The following ZNF665 variants were observed in gnomAD, a reference collection of about 807,000 sequenced individuals.
ZNF665 encodes the protein zinc finger protein 665.
In ZNF665, 6 loss-of-function variants were observed where a neutral mutation model predicts 7.9. That is an observed-to-expected ratio of 0.76 (90% CI 0.42 to 1.50). The LOEUF (loss-of-function observed/expected upper bound fraction) is 1.50. ZNF665 is among the 40% of genes most tolerant of loss of function. The probability of loss-of-function intolerance (pLI) is 0.01; values close to 1 mark genes in which losing one functional copy is unlikely to be tolerated. For synonymous variants in ZNF665, 242 were observed against 274.5 expected (o/e 0.88, Z 1.17); for missense variants, 819 against 806.7 (o/e 1.02, Z -0.18).
chr19:53,171,386 G>C (rs1599874604), intron 3 of ZNF665, among the ~76,000 whole-genome samples: 1 of 151,396 alleles, frequency 6.6e-6, no homozygotes, highest in South Asian at 2.1e-4. Flanking sequence ...TGCAACACTT[G>C]AGCTCCATGT....
At chr19:53,168,055 C>CAAAAAAAAAAAA (rs57521729) in intron 3 of ZNF665, among the ~76,000 whole-genome samples, 1 of 66,400 alleles carries the variant, frequency 1.5e-5, no homozygotes, top group African/African-American at 5.5e-5. Flanking sequence ...GACTCCCTCT[C>CAAAAAAAAAAAA]AAAAAAAAAA....
In ZNF665 at chr19:53,191,679, A is replaced by ACCC. The variant is rs2090817788; in HGVS notation, c.-46+1632_-46+1633insGGG. The ACCC allele has an allele frequency of 2.6e-5, 4 of 152,328 alleles. No individual in the cohort carries two copies. The South Asian group carries it at 8.3e-4, about 32-fold the overall frequency. The allele number at this position is 152,328 out of a possible 1,614,324, so 9.4% of individuals were successfully genotyped here. Reference sequence around the variant, plus strand: ...GTCAACATAGTGAAACCCCGTCTCTACTAAAAATACAAAAGTTAGCCAGGT... The same window carrying ACCC: ...GTCAACATAGTGAAACCCCGTCTCTACCCCTAAAAATACAAAAGTTAGCCAGGT... On this transcript the variant is annotated intron_variant, in intron 1 of 3. Transcript: ENST00000396424.
At position 53,164,143 on chromosome 19, in the gene ZNF665, T is replaced by TC; in HGVS notation, c.*309_*310insG. ...TCCTTTGTAAGGTTACTTTTTTTTT[T>TC]TTTTTTTTTTTGGAGATGGAGTTTC... On this transcript the variant is annotated 3_prime_UTR_variant, in exon 4 of 4. Transcript: ENST00000396424. 1 of 154,256 alleles carries TC rather than the reference T, an allele frequency of 6.5e-6. No homozygotes were observed. Among genetic ancestry groups the TC allele is most frequent in the African/African-American group, 2.4e-5 (1 of 41,344 alleles). The allele number at this position is 154,256 out of a possible 1,614,324, so 9.6% of individuals were successfully genotyped here. A position where few individuals can be genotyped will look rare whatever the true frequency, so the allele number is the denominator to read the frequency against.
chr19:53,192,135 T>G (rs1430649764), intron 1 of ZNF665, among the ~76,000 whole-genome samples: 2 of 151,900 alleles, frequency 1.3e-5, no homozygotes, highest in East Asian at 1.9e-4. Context: ...TTCTTGCAAC[T>G]TGTTTCACCT....
At chr19:53,182,305 A>C in intron 2 of ZNF665, 2 of 188,330 alleles carry the variant, frequency 1.1e-5, no homozygotes, top group South Asian at 2.1e-4. Context: ...CAGGAGGCGG[A>C]GGTTGCAGTG....
Position 53,182,892 on chromosome 19 carries a change from G to GAGCC in ZNF665, c.3_6dup (p.Leu3GlyfsTer41), listed in dbSNP as rs776508115. Reference sequence around the variant, plus strand: ...CGAGAATATCATCTCACCTGAGGAAGAGCCATCCCTGACTCCTTTGCCTTC... The same window carrying GAGCC: ...CGAGAATATCATCTCACCTGAGGAAGAGCCAGCCATCCCTGACTCCTTTGCCTTC... On this transcript the variant is annotated frameshift_variant, in exon 2 of 4. Transcript: ENST00000396424. LOFTEE classifies it high-confidence loss of function. The GAGCC allele has an allele frequency of 5.0e-6, 8 of 1,612,058 alleles. No individual in the cohort carries two copies. Among genetic ancestry groups the GAGCC allele is most frequent in the Non-Finnish European group, 5.9e-6 (7 of 1,179,980 alleles).
intron 3 of ZNF665, among the ~76,000 whole-genome samples, chr19:53,167,671 T>C (rs62115534): frequency 0.95 from 142,446 of 149,324 alleles, 67,978 homozygotes; most frequent in South Asian, 0.97. Flanking sequence ...TGGTCTCGAT[T>C]TCCTGACCTC....
intron 3 of ZNF665, among the ~76,000 whole-genome samples, chr19:53,169,024 C>A (rs1185294041): frequency 6.6e-6 from 1 of 151,836 alleles, no homozygotes; most frequent in East Asian, 1.9e-4. Context: ...ATCTGTGGAG[C>A]CCTCGGATCA....
intron 2 of ZNF665, among the ~76,000 whole-genome samples, chr19:53,179,377 CAAAAAA>C (rs35184690): frequency 2.8e-5 from 2 of 70,418 alleles, no homozygotes; most frequent in African/African-American, 1.2e-4. Flanking sequence ...GATTCCGTCT[CAAAAAA>C]AAAAAAAAAA....
In ZNF665 at chr19:53,165,402, T is replaced by A; in HGVS notation, c.1088A>T (p.Lys363Met). The change falls in exon 4 of 4, where the codon AAG becomes ATG. Residue 363 changes from lysine to methionine, a missense_variant. Transcript: ENST00000396424. The stretch of plus-strand genomic sequence containing the variant: ...CTCACCAGTATGAATTCGCCGATGC[T>A]TTGCAAGGTATGAATTGTGCCTGAA... ...KVFRHNSYLA[K>M]HRRIHTGEKP... 6.2e-7 allele frequency: 1 copy of A among 1,613,736 alleles called. No individual in the cohort carries two copies. Among genetic ancestry groups the A allele is most frequent in the Middle Eastern group, 1.7e-4 (1 of 6,056 alleles).
At chr19:53,174,069 T>A (rs1001944723) in intron 3 of ZNF665, among the ~76,000 whole-genome samples, 7 of 152,152 alleles carry the variant, frequency 4.6e-5, no homozygotes, top group African/African-American at 1.7e-4. Context: ...AAGCAGCCAG[T>A]GTTTTCCATC....
chr19:53,165,432 T>C lies in ZNF665; in HGVS notation c.1058A>G (p.Lys353Arg). ...AAGGTATGAATTGTGCCTGAAGACC[T>C]TGCCACATTCATTACATTTGTAAGG... ...EKPYKCNECG[K>R]VFRHNSYLAK... The change falls in exon 4 of 4, where the codon AAG becomes AGG. Residue 353 changes from lysine (K) to arginine (R), a missense_variant. Transcript: ENST00000396424. The C allele has an allele frequency of 3.1e-6, 5 of 1,613,420 alleles. No homozygotes were observed. The highest frequency in any genetic ancestry group is 4.2e-6 in the Non-Finnish European group (5 of 1,179,468).
In ZNF665 at chr19:53,172,119, A is replaced by T. The variant is rs2090663061; in HGVS notation, c.142+3326T>A. ...AATTTATGCATTCATGACATACCTA[A>T]TTTTTTCTTAATTTTTATAATATTT... On this transcript the variant is annotated intron_variant, in intron 3 of 3. Transcript: ENST00000396424. 1.3e-5 allele frequency among the ~76,000 whole-genome samples: 2 copies of T among 152,050 alleles called. 1 individual carries two copies. The highest frequency in any genetic ancestry group is 4.1e-4 in the South Asian group (2 of 4,820).
intron 3 of ZNF665, among the ~76,000 whole-genome samples, chr19:53,170,517 C>T (rs2090649486): frequency 6.6e-6 from 1 of 152,158 alleles, no homozygotes; most frequent in Non-Finnish European, 1.5e-5. Flanking sequence ...TTGGATTCCA[C>T]ATATAGGTAA....
rs559909086 is a variant in ZNF665 at position 53,175,882 on chromosome 19, T to C, written c.16-311A>G. 2.3e-4 allele frequency among the ~76,000 whole-genome samples: 35 copies of C among 152,282 alleles called. 1 individual carries two copies. In the East Asian group the frequency reaches 5.0e-3, roughly 22 times the overall value. On this transcript the variant is annotated intron_variant, in intron 2 of 3. Coordinates refer to ENST00000396424, the MANE Select transcript of ZNF665 (RefSeq NM_024733.5). ...CCAAGGCAAGATTACAGGGTTAGGC[T>C]GGGAGCCATTGCTCATGCCTGTAAT...
Position 53,166,188 on chromosome 19 carries a change from T to G in ZNF665, c.302A>C (p.Gln101Pro). 1 of 1,613,992 alleles carries G rather than the reference T, an allele frequency of 6.2e-7. No individual in the cohort carries two copies. Among genetic ancestry groups the G allele is most frequent in the Non-Finnish European group, 8.5e-7 (1 of 1,179,896 alleles). The change falls in exon 4 of 4, where the codon CAG becomes CCG. Residue 101 changes from glutamine (Q) to proline (P), a missense_variant. By Grantham distance (76) the Gln-to-Pro change is moderately conservative (BLOSUM62 -1). Transcript: ENST00000396424. ...ATAATTTCCTTCATCATCTTTCCAC[T>G]GACACTCAAAGTCGTATGTATTTTT... The part of the protein sequence containing the change: ...VQKNTYDFEC[Q>P]WKDDEGNYKT...
chr19:53,165,322 T>A lies in ZNF665; in HGVS notation c.1168A>T (p.Thr390Ser), dbSNP rs765867340. The change falls in exon 4 of 4, where the codon ACT becomes TCT. Residue 390 changes from threonine (T) to serine (S), a missense_variant. Physicochemically the swap from Thr to Ser is moderately conservative, Grantham distance 58. Coordinates refer to ENST00000396424, the MANE Select transcript of ZNF665 (RefSeq NM_024733.5). ...CCGGTATGGATGATCTGATGCTTAG[T>A]TAAGTTTGAATGCATACTGAAGGCT... Reference protein sequence around the residue: ...GKAFSMHSNLTKHQIIHTGEK... With the variant: ...GKAFSMHSNLSKHQIIHTGEK... 1.9e-6 allele frequency: 3 copies of A among 1,613,374 alleles called. No individual in the cohort carries two copies. The highest frequency in any genetic ancestry group is 1.3e-5 in the African/African-American group (1 of 74,846).
Position 53,165,561 on chromosome 19 carries a change from C to T in ZNF665, c.929G>A (p.Arg310Lys), listed in dbSNP as rs375282602. 11 of 1,614,120 alleles carry T rather than the reference C, an allele frequency of 6.8e-6. No homozygotes were observed. The highest frequency in any genetic ancestry group is 9.3e-6 in the Non-Finnish European group (11 of 1,180,018). Reference protein sequence around the residue: ...TQNSHLASHRRIHTGEKPYKC... With the variant: ...TQNSHLASHRKIHTGEKPYKC... Reference sequence around the variant, plus strand: ...GTAAGGCTTCTCCCCAGTATGAATTCTTCGATGACTTGCAAGGTGTGAATT... The same window carrying T: ...GTAAGGCTTCTCCCCAGTATGAATTTTTCGATGACTTGCAAGGTGTGAATT... The change falls in exon 4 of 4, where the codon AGA becomes AAA. Residue 310 changes from arginine (R) to lysine (K), a missense_variant. Transcript: ENST00000396424.
At chr19:53,172,689 GT>G (rs1203685871) in intron 3 of ZNF665, among the ~76,000 whole-genome samples, 1 of 152,016 alleles carries the variant, frequency 6.6e-6, no homozygotes, top group African/African-American at 2.4e-5. Flanking sequence ...GTCAGGCGTG[GT>G]GGTGCACGCC....
Sources: gnomAD v4.1 joint callset for allele counts (sites outside exome capture counted in the v4.1 genomes callset) on GRCh38, gnomAD v4.1.1 for gene constraint, MANE v1.5 for transcripts, NCBI Gene and HGNC (gene_info 2026-07-23, HGNC 2026-07-21) for gene names.